PARP8: variants seen among roughly 807,000 people sequenced by gnomAD.
PARP8 encodes the protein protein mono-ADP-ribosyltransferase PARP8.
PARP8 carries 51 observed loss-of-function variants against 124.1 expected under a neutral mutation model. That is an observed-to-expected ratio of 0.41 (90% CI 0.33 to 0.52). PARP8 has a LOEUF of 0.52. PARP8 is among the 20% of genes least tolerant of loss of function. PARP8 has a pLI of 0.21. For synonymous variants in PARP8, 391 were observed against 361.5 expected (o/e 1.08, Z -0.93); for missense variants, 860 against 1,018.9 (o/e 0.84, Z 2.12).
intron 2 of PARP8, among the ~76,000 whole-genome samples, chr5:50,695,048 G>A (rs1752880447): frequency 6.6e-6 from 1 of 152,168 alleles, no homozygotes; most frequent in Non-Finnish European, 1.5e-5. Context: ...AGACTGACTC[G>A]GATGGGTCTG....
At chr5:50,745,831 C>A (rs1261017033) in intron 2 of PARP8, among the ~76,000 whole-genome samples, 3 of 152,136 alleles carry the variant, frequency 2.0e-5, no homozygotes, top group African/African-American at 7.2e-5. Context: ...TACCATTCGA[C>A]AGTATAAAGG....
At chr5:50,833,422 A>C (rs1747207298) in intron 23 of PARP8, 1 of 454,230 alleles carries the variant, frequency 2.2e-6, no homozygotes, top group African/African-American at 2.0e-5. Context: ...TTTCAGAGAA[A>C]ACAAGTATAT....
chr5:50,740,107 T>C (rs1471776325), intron 2 of PARP8, among the ~76,000 whole-genome samples: 1 of 152,154 alleles, frequency 6.6e-6, no homozygotes, highest in Non-Finnish European at 1.5e-5. Context: ...GTTCCCACTA[T>C]GTGCTAGGTA....
At chr5:50,754,458 T>A (rs903242849) in intron 3 of PARP8, among the ~76,000 whole-genome samples, 1 of 151,912 alleles carries the variant, frequency 6.6e-6, no homozygotes, top group Non-Finnish European at 1.5e-5. Context: ...CTTGCGATAG[T>A]TTGCTGAGAA....
At chr5:50,709,955 T>TATATATATATATATACAC (rs149858890) in intron 2 of PARP8, among the ~76,000 whole-genome samples, 7 of 103,318 alleles carry the variant, frequency 6.8e-5, no homozygotes, top group East Asian at 6.2e-4. Flanking sequence ...TATATATATA[T>TATATATATATATATACAC]ACACATACAT....
intron 2 of PARP8, among the ~76,000 whole-genome samples, chr5:50,685,726 T>C (rs1751786381): frequency 6.6e-6 from 1 of 152,208 alleles, no homozygotes. Context: ...AGAGGTTTAA[T>C]TGGACTTACA....
chr5:50,708,071 A>G (rs1163184333), intron 2 of PARP8, among the ~76,000 whole-genome samples: 1 of 152,074 alleles, frequency 6.6e-6, no homozygotes, highest in Non-Finnish European at 1.5e-5. Context: ...AAAATTGCTT[A>G]TCATTTTTCC....
rs1437800092 is a variant in PARP8 at position 50,754,142 on chromosome 5, T to C, written c.184+3954T>C. ...ATATATATATATATATATATATATA[T>C]ATATATATACACACACACACACACA... is the stretch of plus-strand genomic sequence containing the variant. On this transcript the variant is annotated intron_variant, in intron 3 of 25. Coordinates refer to ENST00000281631, the MANE Select transcript of PARP8 (RefSeq NM_024615.4). Among the ~76,000 whole-genome samples, 6 of 17,774 alleles carry C rather than the reference T, an allele frequency of 3.4e-4. 1 individual carries two copies. Among genetic ancestry groups the C allele is most frequent in the Admixed American group, 1.5e-3 (3 of 1,940 alleles). The allele number at this position is 17,774 out of a possible 152,430, so 11.7% of individuals were successfully genotyped here. A position where few individuals can be genotyped will look rare whatever the true frequency, so the allele number is the denominator to read the frequency against.
chr5:50,739,076 A>T, intron 2 of PARP8: 1 of 702,444 alleles, frequency 1.4e-6, no homozygotes, highest in Non-Finnish European at 2.6e-6. Flanking sequence ...GGAGCAAGAG[A>T]CTTCCCACAG....
chr5:50,718,511 C>T (rs1199270578), intron 2 of PARP8, among the ~76,000 whole-genome samples: 1 of 151,638 alleles, frequency 6.6e-6, no homozygotes, highest in Non-Finnish European at 1.5e-5. Flanking sequence ...TGAAGATGTG[C>T]CAACAGTAAT....
At chr5:50,703,215 C>G (rs539265708) in intron 2 of PARP8, among the ~76,000 whole-genome samples, 2 of 151,056 alleles carry the variant, frequency 1.3e-5, no homozygotes, top group African/African-American at 4.9e-5. Flanking sequence ...GTGGGGAGAT[C>G]GCTTGAGCCC....
intron 2 of PARP8, among the ~76,000 whole-genome samples, chr5:50,678,359 A>T (rs1202236994): frequency 6.6e-6 from 1 of 152,174 alleles, no homozygotes; most frequent in East Asian, 1.9e-4. Flanking sequence ...TCTGTCACAC[A>T]CACATAACAT....
chr5:50,775,335 A>G (rs1333868078), intron 7 of PARP8, among the ~76,000 whole-genome samples: 1 of 152,184 alleles, frequency 6.6e-6, no homozygotes, highest in Non-Finnish European at 1.5e-5. Context: ...TGGGCAGATC[A>G]CTCGAGGTCA....
At chr5:50,713,328 C>T (rs999322192) in intron 2 of PARP8, among the ~76,000 whole-genome samples, 1 of 151,966 alleles carries the variant, frequency 6.6e-6, no homozygotes, top group African/African-American at 2.4e-5. Flanking sequence ...ACAACCTTGG[C>T]CTCCTGGGCT....
At chr5:50,667,764 C>T in intron 1 of PARP8, 2 of 746,888 alleles carry the variant, frequency 2.7e-6, no homozygotes, top group Non-Finnish European at 4.7e-6. Context: ...GTCCATTTTG[C>T]TCCCCCGGGA....
At chr5:50,749,856 A>G (rs1218364420) in intron 2 of PARP8, among the ~76,000 whole-genome samples, 1 of 152,178 alleles carries the variant, frequency 6.6e-6, no homozygotes, top group Non-Finnish European at 1.5e-5. Flanking sequence ...TAGGAAAAAT[A>G]GACCTTGTTG....
chr5:50,754,102 AGTTTGAAAACATTCATATATATATATAT>A (rs1759557819), intron 3 of PARP8, among the ~76,000 whole-genome samples: 1 of 110,214 alleles, frequency 9.1e-6, no homozygotes, highest in African/African-American at 4.1e-5. Flanking sequence ...AAGGAATTTG[AGTTTGAAAACATTCATATATATATATAT>A]ATATATATAT....
intron 3 of PARP8, among the ~76,000 whole-genome samples, chr5:50,758,240 C>T (rs545476790): frequency 4.6e-5 from 7 of 152,240 alleles, no homozygotes; most frequent in East Asian, 1.9e-4. Context: ...GCATGAAAAC[C>T]TCACATGCTC....
chr5:50,826,873 T>A lies in PARP8; in HGVS notation c.1977+70T>A. On this transcript the variant is annotated intron_variant, in intron 19 of 25. Transcript: ENST00000281631. Reference sequence around the variant, plus strand: ...GGAGTACTTATCAGTTGGGAGAACCTACCTTGTAATTTTTAGCCAGACTCT... The same window carrying A: ...GGAGTACTTATCAGTTGGGAGAACCAACCTTGTAATTTTTAGCCAGACTCT... 4.6e-6 allele frequency: 7 copies of A among 1,536,330 alleles called. No homozygotes were observed. The South Asian group carries it at 9.0e-5, about 20-fold the overall frequency.
Sources: gnomAD v4.1 joint callset for allele counts (sites outside exome capture counted in the v4.1 genomes callset) on GRCh38, gnomAD v4.1.1 for gene constraint, MANE v1.5 for transcripts, NCBI Gene and HGNC (gene_info 2026-07-23, HGNC 2026-07-21) for gene names.